NRXN1: variants seen among roughly 807,000 people sequenced by gnomAD.
The protein encoded by NRXN1 is neurexin-1.
A neutral mutation model predicts 150.9 loss-of-function variants in NRXN1; 39 were observed. That is an observed-to-expected ratio of 0.26 (90% CI 0.20 to 0.34). The LOEUF is 0.34. Among genes scored for constraint, NRXN1 ranks in the 10% least tolerant of loss-of-function variants. NRXN1 has a pLI of 1.00. For missense variants in NRXN1, 1,815 were observed against 1,949.9 expected (o/e 0.93, Z 1.30); for synonymous variants, 924 against 757.0 (o/e 1.22, Z -3.62).
Position 49,920,220 on chromosome 2 carries a change from A to G in NRXN1, c.*1724T>C, listed in dbSNP as rs1341366314. The G allele has an allele frequency of 6.6e-6, 1 of 152,220 alleles. No homozygotes were observed. The highest frequency in any genetic ancestry group is 1.5e-5 in the Non-Finnish European group (1 of 68,030). 9.4% of individuals were successfully genotyped at this position (152,220 alleles called of 1,614,324 possible). A position where few individuals can be genotyped will look rare whatever the true frequency, so the allele number is the denominator to read the frequency against. On this transcript the variant is annotated 3_prime_UTR_variant, in exon 23 of 23. Coordinates refer to ENST00000401669, the MANE Select transcript of NRXN1 (RefSeq NM_001330078.2). ...TATGTAAAACCAGAAAAGTTAAAAC[A>G]TAGTCAATAATTAACAGAGAATGAT...
chr2:51,001,922 C>T (rs757395446), intron 2 of NRXN1, among the ~76,000 whole-genome samples: 10 of 151,882 alleles, frequency 6.6e-5, no homozygotes, highest in Non-Finnish European at 1.0e-4. Flanking sequence ...GTGAAAGATA[C>T]CCTCCCTATA....
At position 51,030,158 on chromosome 2, in the gene NRXN1, G is replaced by GA. The variant is rs547892820; in HGVS notation, c.-921-965dup. On this transcript the variant is annotated intron_variant, in intron 1 of 22. Transcript: ENST00000401669. ...AACCAAAAAATTACTCTTACCTTTT[G>GA]AAAAAAATTACAAATGTATAATCTG... 2.6e-4 allele frequency among the ~76,000 whole-genome samples: 40 copies of GA among 151,692 alleles called. No individual in the cohort carries two copies. The South Asian group carries it at 7.9e-3, about 30-fold the overall frequency.
intron 17 of NRXN1, among the ~76,000 whole-genome samples, chr2:50,410,489 T>C (rs527974115): frequency 5.3e-5 from 8 of 152,342 alleles, no homozygotes; most frequent in African/African-American, 1.7e-4. Flanking sequence ...TGTTGTATGT[T>C]GTATATTCTT....
intron 12 of NRXN1, among the ~76,000 whole-genome samples, chr2:50,516,477 A>G (rs1046437829): frequency 1.3e-5 from 2 of 152,192 alleles, no homozygotes; most frequent in Non-Finnish European, 2.9e-5. Flanking sequence ...TGAGAAGCAT[A>G]GTTGAGTCAC....
chr2:50,509,067 A>G (rs76997167), intron 12 of NRXN1, among the ~76,000 whole-genome samples: 1 of 152,236 alleles, frequency 6.6e-6, no homozygotes, highest in East Asian at 1.9e-4. Context: ...TCACCTTTAC[A>G]TTATTAATCT....
At chr2:50,089,286 A>T (rs1699228687) in intron 19 of NRXN1, among the ~76,000 whole-genome samples, 1 of 152,168 alleles carries the variant, frequency 6.6e-6, no homozygotes, top group South Asian at 2.1e-4. Context: ...TAGTAACAGG[A>T]TTTATCATTT....
intron 5 of NRXN1, among the ~76,000 whole-genome samples, chr2:50,839,262 T>C (rs1372200107): frequency 6.6e-6 from 1 of 152,182 alleles, no homozygotes; most frequent in African/African-American, 2.4e-5. Flanking sequence ...ATTAACTTAG[T>C]TGATACTTCA....
intron 19 of NRXN1, among the ~76,000 whole-genome samples, chr2:50,079,562 T>C (rs1231658865): frequency 3.3e-5 from 5 of 152,112 alleles, no homozygotes; most frequent in Admixed American, 1.3e-4. Flanking sequence ...AATTGTTATA[T>C]CTGAGGTACT....
intron 5 of NRXN1, among the ~76,000 whole-genome samples, chr2:50,624,086 C>T (rs1164936799): frequency 1.3e-5 from 2 of 152,078 alleles, no homozygotes; most frequent in African/African-American, 4.8e-5. Context: ...TTTCCAGCTT[C>T]ATCACACGTA....
At chr2:50,549,492 A>T (rs990306175) in intron 9 of NRXN1, among the ~76,000 whole-genome samples, 23 of 152,156 alleles carry the variant, frequency 1.5e-4, no homozygotes, top group African/African-American at 5.5e-4. Context: ...TTACCATCAC[A>T]ACAGCACCAA....
intron 5 of NRXN1, among the ~76,000 whole-genome samples, chr2:50,720,652 C>T (rs1261598951): frequency 3.9e-5 from 6 of 152,186 alleles, no homozygotes; most frequent in Non-Finnish European, 4.4e-5. Flanking sequence ...CATTTATAAA[C>T]CACTCTTCCC....
Position 49,922,029 on chromosome 2 carries a change from C to A in NRXN1, c.4439G>T (p.Gly1480Val), listed in dbSNP as rs1481708798. ...GGGTTGTTTCTCCTTTACAACAGCC[C>A]CATTGGACTGTGCTGAGTTACTGAT... ...NYISNSAQSNGAVVKEKQPSS... is the reference protein window; with the variant it reads ...NYISNSAQSNVAVVKEKQPSS... The change falls in exon 23 of 23, where the codon GGG becomes GTG. Residue 1480 changes from glycine to valine, a missense_variant. This residue lies in a region of NRXN1 where 265 missense variants were observed against 307.1 expected (regional missense o/e 0.86). Transcript: ENST00000401669. 1.2e-6 allele frequency: 2 copies of A among 1,614,052 alleles called. No homozygotes were observed. Among genetic ancestry groups the A allele is most frequent in the Non-Finnish European group, 1.7e-6 (2 of 1,180,026 alleles).
chr2:50,632,040 T>A (rs1357619749), intron 5 of NRXN1, among the ~76,000 whole-genome samples: 3 of 151,994 alleles, frequency 2.0e-5, no homozygotes, highest in Non-Finnish European at 4.4e-5. Context: ...TAAATTATAA[T>A]AATGTTATTA....
intron 8 of NRXN1, among the ~76,000 whole-genome samples, chr2:50,574,360 T>G (rs947823064): frequency 1.3e-5 from 2 of 152,120 alleles, no homozygotes; most frequent in Non-Finnish European, 2.9e-5. Context: ...AAATCTGAAT[T>G]GAAATTTGGA....
chr2:50,920,067 T>A (rs1240920287), intron 5 of NRXN1: 1 of 337,120 alleles, frequency 3.0e-6, no homozygotes, highest in Non-Finnish European at 6.6e-6. Context: ...TTAAACAATA[T>A]GAAATGGGTA....
chr2:50,204,607 G>C (rs527666309), intron 18 of NRXN1, among the ~76,000 whole-genome samples: 64 of 152,126 alleles, frequency 4.2e-4, no homozygotes, highest in African/African-American at 1.4e-3. Flanking sequence ...TTTTAGTTGT[G>C]TGTTGTGTAT....
intron 18 of NRXN1, among the ~76,000 whole-genome samples, chr2:50,194,377 C>A (rs1454931053): frequency 1.3e-5 from 2 of 152,052 alleles, no homozygotes; most frequent in Non-Finnish European, 2.9e-5. Flanking sequence ...ATGAACTGAC[C>A]CTAAGGGCTA....
chr2:50,108,731 T>C (rs1226253538), intron 18 of NRXN1, among the ~76,000 whole-genome samples: 3 of 152,132 alleles, frequency 2.0e-5, no homozygotes, highest in Non-Finnish European at 4.4e-5. Flanking sequence ...ACTGCCAACA[T>C]CATGCTTAAC....
rs114411063 is a variant in NRXN1, at chr2:50,953,759, C to T, written c.773-27804G>A. 6.4e-3 allele frequency among the ~76,000 whole-genome samples: 966 copies of T among 152,106 alleles called. 14 individuals carry two copies. The highest frequency in any genetic ancestry group is 0.022 in the African/African-American group (895 of 41,496). ...GTATTTTAGTAGAGACGAAATTTCA[C>T]CATGTTGGCCAGATTGGTCTTGAAC... On this transcript the variant is annotated intron_variant, in intron 2 of 22. Coordinates refer to ENST00000401669, the MANE Select transcript of NRXN1 (RefSeq NM_001330078.2).
Sources: allele counts gnomAD v4.1 joint callset (sites outside exome capture counted in the v4.1 genomes callset), GRCh38; gene constraint gnomAD v4.1.1; regional missense constraint gnomAD v4.1.1; transcripts MANE v1.5; gene names NCBI Gene and HGNC (gene_info 2026-07-23, HGNC 2026-07-21).